CDH13: variants seen among roughly 807,000 people sequenced by gnomAD.
CDH13 encodes the protein cadherin 13.
In CDH13, 24 loss-of-function variants were observed where a neutral mutation model predicts 63.8. The observed-to-expected ratio is 0.38, with a 90% CI of 0.27 to 0.53. The LOEUF is 0.53. CDH13 is among the 20% of genes least tolerant of loss of function. CDH13 has a pLI of 0.85. For missense variants in CDH13, 1,049 were observed against 903.1 expected (o/e 1.16, Z -2.07); for synonymous variants, 503 against 355.3 (o/e 1.42, Z -4.67).
At chr16:82,793,563 G>T (rs550275883) in intron 1 of CDH13, among the ~76,000 whole-genome samples, 1 of 152,146 alleles carries the variant, frequency 6.6e-6, no homozygotes, top group South Asian at 2.1e-4. Context: ...TCAGTCTGCC[G>T]TGTGCTTGGT....
At chr16:82,863,585 A>T (rs888313984) in intron 2 of CDH13, among the ~76,000 whole-genome samples, 1 of 152,218 alleles carries the variant, frequency 6.6e-6, no homozygotes, top group African/African-American at 2.4e-5. Context: ...CTGCTTCTAG[A>T]GCTAATGCCT....
At chr16:83,277,841 G>A (rs930079719) in intron 5 of CDH13, among the ~76,000 whole-genome samples, 1 of 152,058 alleles carries the variant, frequency 6.6e-6, no homozygotes, top group Admixed American at 6.6e-5. Context: ...AATCTTTTTA[G>A]GTTTTGTAGA....
intron 2 of CDH13, among the ~76,000 whole-genome samples, chr16:82,924,628 A>G (rs1470087271): frequency 1.3e-5 from 2 of 152,178 alleles, no homozygotes; most frequent in Admixed American, 1.3e-4. Context: ...AGAGCTTTTA[A>G]GATAAAGCCC....
rs75385692 is a variant in CDH13 at position 82,803,024 on chromosome 16, T to A, written c.46-55338T>A. Among the ~76,000 whole-genome samples the A allele has an allele frequency of 2.7e-3, 407 of 152,348 alleles. 3 individuals carry two copies. Among genetic ancestry groups the A allele is most frequent in the African/African-American group, 9.1e-3 (378 of 41,584 alleles). On this transcript the variant is annotated intron_variant, in intron 1 of 13. Coordinates refer to ENST00000567109, the MANE Select transcript of CDH13 (RefSeq NM_001257.5). ...CCCTGTTCGGTTTTCTTCCTTCCAG[T>A]GTGCTATTCTATAGTAGAAACAGTG... is the stretch of plus-strand genomic sequence containing the variant.
chr16:82,842,905 C>G (rs1169036468), intron 1 of CDH13, among the ~76,000 whole-genome samples: 1 of 152,100 alleles, frequency 6.6e-6, no homozygotes, highest in Non-Finnish European at 1.5e-5. Flanking sequence ...TCACAAAGCA[C>G]CTATAAGACT....
chr16:82,786,560 GT>G, intron 1 of CDH13, among the ~76,000 whole-genome samples: 1 of 149,614 alleles, frequency 6.7e-6, no homozygotes. Flanking sequence ...CAATGTGCAG[GT>G]TTTTTATGTA....
At chr16:83,359,347 G>A (rs1017659031) in intron 6 of CDH13, among the ~76,000 whole-genome samples, 7 of 152,196 alleles carry the variant, frequency 4.6e-5, no homozygotes, top group African/African-American at 1.7e-4. Flanking sequence ...GGTTCTGTGA[G>A]CAAGTAGATA....
intron 5 of CDH13, among the ~76,000 whole-genome samples, chr16:83,227,769 C>T (rs959851542): frequency 3.9e-5 from 6 of 152,148 alleles, no homozygotes; most frequent in South Asian, 2.1e-4. Context: ...CCAGCGTCCA[C>T]GCCAGGCAGT....
At chr16:82,941,348 T>C (rs1370413033) in intron 2 of CDH13, among the ~76,000 whole-genome samples, 1 of 152,216 alleles carries the variant, frequency 6.6e-6, no homozygotes, top group African/African-American at 2.4e-5. Context: ...AACCCTGTTC[T>C]GTGCCTTGAG....
chr16:82,736,208 A>G (rs552427103), intron 1 of CDH13, among the ~76,000 whole-genome samples: 2 of 152,110 alleles, frequency 1.3e-5, no homozygotes, highest in Non-Finnish European at 2.9e-5. Flanking sequence ...AACTGCTTTG[A>G]TGGAAGAACA....
At chr16:82,627,337 CGTGTGTGT>C (rs71146081) in intron 1 of CDH13, among the ~76,000 whole-genome samples, 200 bp downstream of exon 1, 6,763 of 131,246 alleles carry the variant, frequency 0.052, 226 homozygotes, top group Non-Finnish European at 0.07. Flanking sequence ...CTCTGGCGTG[CGTGTGTGT>C]GTGTGTGTGT....
intron 2 of CDH13, among the ~76,000 whole-genome samples, chr16:82,910,968 C>T (rs981482489): frequency 2.0e-5 from 3 of 152,070 alleles, no homozygotes; most frequent in African/African-American, 4.8e-5. Flanking sequence ...CAATGCCCTC[C>T]GCCAGAACCT....
At chr16:83,117,713 G>T (rs1291157933) in intron 3 of CDH13, among the ~76,000 whole-genome samples, 2 of 151,902 alleles carry the variant, frequency 1.3e-5, no homozygotes, top group Non-Finnish European at 2.9e-5. Context: ...CTATTCTCTC[G>T]CTCCTTCTCA....
intron 1 of CDH13, chr16:82,705,204 A>C (rs1361656624): frequency 2.2e-6 from 1 of 455,608 alleles, no homozygotes; most frequent in Non-Finnish European, 4.4e-6. Flanking sequence ...TTTCATGATG[A>C]GCTTTCAGGT....
rs955228099 is a variant in CDH13 at position 83,796,402 on chromosome 16, T to C, written c.*1372T>C. 14 of 152,386 alleles carry C rather than the reference T, an allele frequency of 9.2e-5. No individual in the cohort carries two copies. Among genetic ancestry groups the C allele is most frequent in the African/African-American group, 3.1e-4 (13 of 41,600 alleles). The allele number at this position is 152,386 out of a possible 1,614,324, so 9.4% of individuals were successfully genotyped here. On this transcript the variant is annotated 3_prime_UTR_variant, in exon 14 of 14. Transcript: ENST00000567109. ...ACATGCACACACACACGCTTTCTTA[T>C]GCAATCTATGTTTGCACTTGTGCTT...
At chr16:83,070,537 A>G (rs1443637947) in intron 3 of CDH13, among the ~76,000 whole-genome samples, 1 of 152,128 alleles carries the variant, frequency 6.6e-6, no homozygotes, top group Non-Finnish European at 1.5e-5. Context: ...GTGCAGTATT[A>G]AAAAAACTAT....
chr16:83,794,633 A>G (rs1916486632), intron 13 of CDH13, among the ~76,000 whole-genome samples: 1 of 151,978 alleles, frequency 6.6e-6, no homozygotes, highest in Non-Finnish European at 1.5e-5. Flanking sequence ...CAACATATAT[A>G]TATATATATA....
At chr16:82,906,307 T>C (rs1487454181) in intron 2 of CDH13, among the ~76,000 whole-genome samples, 2 of 152,192 alleles carry the variant, frequency 1.3e-5, no homozygotes, top group Admixed American at 1.3e-4. Flanking sequence ...GTGGCCATGA[T>C]GAGGATTCCT....
chr16:83,795,126 G>C lies in CDH13; in HGVS notation c.*96G>C, dbSNP rs1387904592. The C allele has an allele frequency of 4.7e-5, 50 of 1,055,920 alleles. No individual in the cohort carries two copies. Among genetic ancestry groups the C allele is most frequent in the South Asian group, 4.0e-4 (27 of 67,212 alleles). The allele number at this position is 1,055,920 out of a possible 1,614,324, so 65.4% of individuals were successfully genotyped here. A position where few individuals can be genotyped will look rare whatever the true frequency, so the allele number is the denominator to read the frequency against. On this transcript the variant is annotated 3_prime_UTR_variant, in exon 14 of 14. Coordinates refer to ENST00000567109, the MANE Select transcript of CDH13 (RefSeq NM_001257.5). Reference sequence around the variant, plus strand: ...CTGAAGATTGCGGTTTACAGCTATCGAACTTCACAACTAGGCCTCAATTGT... The same window carrying C: ...CTGAAGATTGCGGTTTACAGCTATCCAACTTCACAACTAGGCCTCAATTGT...
Sources: allele counts gnomAD v4.1 joint callset (sites outside exome capture counted in the v4.1 genomes callset), GRCh38; gene constraint gnomAD v4.1.1; transcripts MANE v1.5; gene names NCBI Gene and HGNC (gene_info 2026-07-23, HGNC 2026-07-21).